Variants in RNF169 observed in about 807,000 individuals in gnomAD.
RNF169 encodes ring finger protein 169.
A neutral mutation model predicts 53.9 loss-of-function variants in RNF169; 24 were observed. The ratio of observed to expected loss-of-function variants is 0.45; its 90% confidence interval spans 0.32 to 0.63. RNF169 has a LOEUF of 0.63. RNF169 is among the 20% of genes least tolerant of loss of function. RNF169 has a pLI of 0.04. For missense variants in RNF169, 883 were observed against 906.2 expected (o/e 0.97, Z 0.33); for synonymous variants, 396 against 363.5 (o/e 1.09, Z -1.02).
intron 2 of RNF169, among the ~76,000 whole-genome samples, chr11:74,809,561 C>T (rs888764304): frequency 1.3e-5 from 2 of 152,206 alleles, no homozygotes; most frequent in African/African-American, 4.8e-5. Context: ...TGGCTCATGC[C>T]TGTAATCCAG....
intron 2 of RNF169, among the ~76,000 whole-genome samples, chr11:74,798,875 C>A (rs1438668262): frequency 6.6e-6 from 1 of 151,892 alleles, no homozygotes; most frequent in Non-Finnish European, 1.5e-5. Flanking sequence ...AGTAGTGAGA[C>A]CTCGTCACTA....
rs576377418 is a variant in RNF169, at chr11:74,790,121, G to A, written c.576+422G>A. 1.6e-4 allele frequency among the ~76,000 whole-genome samples: 25 copies of A among 152,332 alleles called. 1 individual carries two copies. In the South Asian group the frequency reaches 3.9e-3, roughly 24 times the overall value. On this transcript the variant is annotated intron_variant, in intron 2 of 5. Coordinates refer to ENST00000299563, the MANE Select transcript of RNF169 (RefSeq NM_001098638.2). ...TCCAAAAGAACTGTCTTGTAGGTCA[G>A]TAAGGAGATAGTGAAATAATTTCCT...
intron 4 of RNF169, among the ~76,000 whole-genome samples, chr11:74,820,551 A>T (rs545760449): frequency 5.2e-4 from 79 of 151,976 alleles, no homozygotes; most frequent in Non-Finnish European, 6.9e-4. Context: ...GGGAGAGGAG[A>T]TTATGAGAAG....
At chr11:74,794,803 G>A (rs1015970351) in intron 2 of RNF169, among the ~76,000 whole-genome samples, 2 of 152,076 alleles carry the variant, frequency 1.3e-5, no homozygotes, top group African/African-American at 2.4e-5. Flanking sequence ...GAGAAGCTAG[G>A]TTGTTTGTTT....
rs201072204 is a variant in RNF169 at position 74,807,746 on chromosome 11, G to T, written c.577-2438G>T. 5 of 152,184 alleles carry T rather than the reference G, an allele frequency of 3.3e-5. No homozygotes were observed. The East Asian group carries it at 9.6e-4, about 29-fold the overall frequency. 9.4% of individuals were successfully genotyped at this position (152,184 alleles called of 1,614,324 possible). On this transcript the variant is annotated intron_variant, in intron 2 of 5. Transcript: ENST00000299563. ...AAGAGTTCAACAAACAACAGCAATT[G>T]ATATTTTTTATTCACATTTAAAATG...
At chr11:74,784,672 G>A (rs1490855613) in intron 1 of RNF169, among the ~76,000 whole-genome samples, 1 of 152,210 alleles carries the variant, frequency 6.6e-6, no homozygotes, top group African/African-American at 2.4e-5. Context: ...GCATGTGCTA[G>A]AATTTCAGAT....
rs1192762608 is a variant in RNF169, at chr11:74,785,186, G to GATATATATATGAT, written c.503-4418_503-4406dup. On this transcript the variant is annotated intron_variant, in intron 1 of 5. Coordinates refer to ENST00000299563, the MANE Select transcript of RNF169 (RefSeq NM_001098638.2). ...ATATATATATATGATATATATATAT[G>GATATATATATGAT]ATATATATATGATATATATATATGA... is the stretch of plus-strand genomic sequence containing the variant. Among the ~76,000 whole-genome samples, 579 of 63,668 alleles carry GATATATATATGAT rather than the reference G, an allele frequency of 9.1e-3. 5 individuals carry two copies. The highest frequency in any genetic ancestry group is 0.079 in the African/African-American group (568 of 7,224). The allele number at this position is 63,668 out of a possible 152,430, so 41.8% of individuals were successfully genotyped here.
intron 1 of RNF169, among the ~76,000 whole-genome samples, chr11:74,757,016 C>CT (rs1260008872): frequency 1.1e-5 from 1 of 88,246 alleles, no homozygotes; most frequent in Non-Finnish European, 2.1e-5. Context: ...TTTTATTATA[C>CT]TTTAAGTTTT....
intron 1 of RNF169, among the ~76,000 whole-genome samples, chr11:74,768,567 A>G (rs1156597550): frequency 1.3e-5 from 2 of 151,852 alleles, no homozygotes; most frequent in Non-Finnish European, 1.5e-5. Flanking sequence ...AGATCACGCC[A>G]CTGCACTGCA....
In RNF169 at chr11:74,758,479, C is replaced by T. The variant is rs184258308; in HGVS notation, c.502+9097C>T. ...TTGGCTTAGGATTGACTTGGCGATG[C>T]GGGCTCTTTTTTGGTTCCATATGAA... On this transcript the variant is annotated intron_variant, in intron 1 of 5. Transcript: ENST00000299563. Among the ~76,000 whole-genome samples the T allele has an allele frequency of 9.6e-3, 1,444 of 149,696 alleles. 22 individuals carry two copies. The highest frequency in any genetic ancestry group is 0.011 in the Non-Finnish European group (726 of 67,576).
At chr11:74,831,841 C>T (rs1264579192) in intron 4 of RNF169, 1 of 152,050 alleles carries the variant, frequency 6.6e-6, no homozygotes, top group Non-Finnish European at 1.5e-5. Flanking sequence ...CAGAAATAAA[C>T]CCATACATCC....
intron 4 of RNF169, among the ~76,000 whole-genome samples, chr11:74,827,390 C>T (rs1342644767): frequency 6.6e-6 from 1 of 152,232 alleles, no homozygotes; most frequent in African/African-American, 2.4e-5. Context: ...AGTGGGAGGG[C>T]TTGCTGTGAA....
chr11:74,797,894 T>G (rs1217723139), intron 2 of RNF169, among the ~76,000 whole-genome samples: 8 of 152,192 alleles, frequency 5.3e-5, no homozygotes, highest in African/African-American at 1.9e-4. Context: ...CATTTATTAG[T>G]TCCCCAAATT....
chr11:74,835,620 G>A lies in RNF169; in HGVS notation c.1017G>A (p.Ser339=), dbSNP rs777576103. 12 of 1,614,012 alleles carry A rather than the reference G, an allele frequency of 7.4e-6. No homozygotes were observed. The highest frequency in any genetic ancestry group is 2.2e-5 in the East Asian group (1 of 44,870). Residue 339 remains serine, a synonymous_variant, in exon 6 of 6, where the codon TCG becomes TCA. Transcript: ENST00000299563. ...CAACTCAAAACAACCGCTGCGTCTC[G>A]GCCCCTGACTTAACCATCGAAAAGC... The part of the protein sequence containing the change: ...LLSTQNNRCV[S]APDLTIEKRL...
rs187238622 is a variant in RNF169, at chr11:74,829,397, G to A, written c.843-5279G>A. On this transcript the variant is annotated intron_variant, in intron 4 of 5. Transcript: ENST00000299563. ...GAACACTTCTACATTGTTGGTGGGA[G>A]TGCAAATTAGTTCAACCATTGTGGA... Among the ~76,000 whole-genome samples, 17 of 152,320 alleles carry A rather than the reference G, an allele frequency of 1.1e-4. No homozygotes were observed. In the East Asian group the frequency reaches 3.3e-3, roughly 29 times the overall value.
chr11:74,798,358 C>T lies in RNF169; in HGVS notation c.576+8659C>T, dbSNP rs537805325. The stretch of plus-strand genomic sequence containing the variant: ...GGGTCTCTGAACTGGCCCCCCTGGG[C>T]GTGGTCATCTCTTATAGTCGAGACT... On this transcript the variant is annotated intron_variant, in intron 2 of 5. Coordinates refer to ENST00000299563, the MANE Select transcript of RNF169 (RefSeq NM_001098638.2). Among the ~76,000 whole-genome samples, 73 of 152,312 alleles carry T rather than the reference C, an allele frequency of 4.8e-4. No individual in the cohort carries two copies. In the South Asian group the frequency reaches 0.012, roughly 24 times the overall value.
In RNF169 at chr11:74,789,630, T is replaced by C. The variant is rs2035553046; in HGVS notation, c.507T>C (p.Phe169=). 2 of 1,606,148 alleles carry C rather than the reference T, an allele frequency of 1.2e-6. No homozygotes were observed. The highest frequency in any genetic ancestry group is 2.7e-5 in the African/African-American group (2 of 74,680). ...TTTCTTTTCCCTTTCTTTCAGACTT[T>C]ATATTCAGAGCACCAATCAAATTAA... ...EPRAAPAEPD[F]IFRAPIKLSK... is the part of the protein sequence containing the mutation. Residue 169 remains phenylalanine (F), a synonymous_variant, in exon 2 of 6, where the codon TTT becomes TTC. Coordinates refer to ENST00000299563, the MANE Select transcript of RNF169 (RefSeq NM_001098638.2).
chr11:74,826,666 G>T (rs2036102101), intron 4 of RNF169, among the ~76,000 whole-genome samples: 1 of 152,224 alleles, frequency 6.6e-6, no homozygotes, highest in Non-Finnish European at 1.5e-5. Flanking sequence ...TGCAATAAGG[G>T]TATAGGCATT....
At position 74,749,199 on chromosome 11, in the gene RNF169, C is replaced by T; in HGVS notation, c.319C>T (p.Arg107Cys). 4 of 1,138,022 alleles carry T rather than the reference C, an allele frequency of 3.5e-6. No individual in the cohort carries two copies. The highest frequency in any genetic ancestry group is 4.3e-6 in the Non-Finnish European group (4 of 930,426). The allele number at this position is 1,138,022 out of a possible 1,614,324, so 70.5% of individuals were successfully genotyped here. ...DAAGPGCPRC[R>C]ARGPGWARRR... ...GGCGGGCCCGGGTTGCCCTCGCTGC[C>T]GCGCCCGCGGCCCAGGCTGGGCCCG... The change falls in exon 1 of 6, where the codon CGC (arginine) becomes TGC (cysteine). Residue 107 changes from arginine (R) to cysteine (C), a missense_variant. Arg to Cys is a radical substitution (Grantham distance 180, BLOSUM62 -3). Coordinates refer to ENST00000299563, the MANE Select transcript of RNF169 (RefSeq NM_001098638.2).
Sources: allele counts gnomAD v4.1 joint callset (sites outside exome capture counted in the v4.1 genomes callset), GRCh38; gene constraint gnomAD v4.1.1; transcripts MANE v1.5; gene names NCBI Gene and HGNC (gene_info 2026-07-23, HGNC 2026-07-21).